CCDC117: variants seen among roughly 807,000 people sequenced by gnomAD.
CCDC117 encodes coiled-coil domain-containing protein 117.
A neutral mutation model predicts 23.5 loss-of-function variants in CCDC117; 1 was observed. The observed-to-expected ratio is 0.04, with a 90% CI of 0.02 to 0.20. CCDC117 has a LOEUF of 0.20. Ranked by LOEUF, CCDC117 falls within the 10% of genes least tolerant of loss-of-function variation. The pLI is 1.00. For synonymous variants in CCDC117, 132 were observed against 124.8 expected, an observed-to-expected ratio of 1.06 and a Z score of -0.39; for missense variants, 383 against 348.2, an observed-to-expected ratio of 1.10 and a Z score of -0.80.
At position 28,773,751 on chromosome 22, in the gene CCDC117, ACAAG is replaced by A. The variant is rs1410476427; in HGVS notation, c.214_217del (p.Lys72GlufsTer11). 1 of 1,614,100 alleles carries A rather than the reference ACAAG, an allele frequency of 6.2e-7. No individual in the cohort carries two copies. The highest frequency in any genetic ancestry group is 1.7e-5 in the Admixed American group (1 of 60,024). On this transcript the variant is annotated frameshift_variant, in exon 2 of 5. Coordinates refer to ENST00000249064, the MANE Select transcript of CCDC117 (RefSeq NM_173510.4). LOFTEE classifies it high-confidence loss of function. ...GTTTCTGTTCACTGTAAAAAGAAAC[ACAAG>A]CGAGAGGAGGAGGAGGATGATGAGT... is the stretch of plus-strand genomic sequence containing the variant.
At chr22:28,776,363 C>T (rs1366188017) in intron 2 of CCDC117, among the ~76,000 whole-genome samples, 1 of 152,076 alleles carries the variant, frequency 6.6e-6, no homozygotes, top group Non-Finnish European at 1.5e-5. Context: ...CACTGCACTC[C>T]ATCCTAGGTG....
intron 3 of CCDC117, among the ~76,000 whole-genome samples, 167 bp downstream of exon 3, chr22:28,781,339 T>G (rs796251563): frequency 2.2e-3 from 6 of 2,734 alleles, no homozygotes; most frequent in African/African-American, 0.02. Context: ...TGTTTTGTTT[T>G]TTTTTTTTTT....
At chr22:28,781,326 T>C (rs2094983324) in intron 3 of CCDC117, among the ~76,000 whole-genome samples, 154 bp downstream of exon 3, 1 of 79,216 alleles carries the variant, frequency 1.3e-5, no homozygotes, top group Non-Finnish European at 2.3e-5. Flanking sequence ...GTTTTTGTTT[T>C]TTTGTTTTGT....
rs745685698 is a variant in CCDC117, at chr22:28,781,139, T to C, written c.431T>C (p.Val144Ala). 3 of 1,613,596 alleles carry C rather than the reference T, an allele frequency of 1.9e-6. No individual in the cohort carries two copies. Among genetic ancestry groups the C allele is most frequent in the African/African-American group, 2.7e-5 (2 of 74,842 alleles). The change falls in exon 3 of 5, where the codon GTT (valine) becomes GCT (alanine). Residue 144 changes from valine (V) to alanine (A), a missense_variant. Val to Ala is a moderately conservative substitution (Grantham distance 64). Transcript: ENST00000249064. ...DQTTGEPQCEVARRKLQEIED... is the reference protein window; with the variant it reads ...DQTTGEPQCEAARRKLQEIED... Reference sequence around the variant, plus strand: ...ACAACTGGAGAACCACAGTGTGAAGTTGCCCGAAGGAAGCTTCAGGAGATT... The same window carrying C: ...ACAACTGGAGAACCACAGTGTGAAGCTGCCCGAAGGAAGCTTCAGGAGATT...
At chr22:28,782,461 C>CA (rs959491258) in intron 3 of CCDC117, among the ~76,000 whole-genome samples, 32 of 151,550 alleles carry the variant, frequency 2.1e-4, no homozygotes, top group African/African-American at 7.8e-4. Flanking sequence ...TTTTTGGAGA[C>CA]AGAGTCTCGC....
intron 2 of CCDC117, among the ~76,000 whole-genome samples, chr22:28,778,577 A>G (rs1357466683): frequency 6.6e-6 from 1 of 152,106 alleles, no homozygotes; most frequent in Non-Finnish European, 1.5e-5. Context: ...GAAAATATTT[A>G]TGTTCTTTAT....
At chr22:28,780,510 G>A (rs1455082512) in intron 2 of CCDC117, among the ~76,000 whole-genome samples, 1 of 152,078 alleles carries the variant, frequency 6.6e-6, no homozygotes, top group Non-Finnish European at 1.5e-5. Context: ...TTCATGGTTT[G>A]AATTAGCGTC....
At chr22:28,782,792 G>A (rs573439879) in intron 3 of CCDC117, among the ~76,000 whole-genome samples, 3 of 152,202 alleles carry the variant, frequency 2.0e-5, no homozygotes, top group Non-Finnish European at 4.4e-5. Context: ...GGCTGGTCTG[G>A]AGCTTCTGGC....
intron 3 of CCDC117, among the ~76,000 whole-genome samples, chr22:28,782,385 A>G (rs577667166): frequency 2.7e-5 from 4 of 150,130 alleles, no homozygotes; most frequent in Non-Finnish European, 5.9e-5. Context: ...CAGCCTCCTG[A>G]GTAGCTGGGA....
intron 2 of CCDC117, among the ~76,000 whole-genome samples, chr22:28,775,845 C>T (rs1378492931): frequency 1.3e-5 from 2 of 151,990 alleles, no homozygotes; most frequent in East Asian, 1.9e-4. Context: ...TGCAGTGAGC[C>T]GAGATCGTCC....
chr22:28,777,439 G>T (rs1226523389), intron 2 of CCDC117, among the ~76,000 whole-genome samples: 1 of 151,714 alleles, frequency 6.6e-6, no homozygotes, highest in Non-Finnish European at 1.5e-5. Context: ...AGTTAAAAAG[G>T]TTAAAGAAGT....
chr22:28,786,004 A>G, intron 4 of CCDC117, 85 bp from the exon 5 acceptor site: 1 of 849,876 alleles, frequency 1.2e-6, no homozygotes, highest in Non-Finnish European at 1.9e-6. Flanking sequence ...TCCTTAAGAT[A>G]CTAGGTAATG....
chr22:28,783,458 A>G (rs1030219373), intron 3 of CCDC117, 50 bp from the exon 4 acceptor site: 3 of 1,565,396 alleles, frequency 1.9e-6, no homozygotes, highest in South Asian at 1.2e-5. Context: ...AGAATATATA[A>G]TAGCTTGACT....
At chr22:28,776,358 C>G (rs2031160347) in intron 2 of CCDC117, among the ~76,000 whole-genome samples, 1 of 152,094 alleles carries the variant, frequency 6.6e-6, no homozygotes. Flanking sequence ...TGTGCCACTG[C>G]ACTCCATCCT....
At chr22:28,781,351 T>TTTTG (rs2031325093) in intron 3 of CCDC117, among the ~76,000 whole-genome samples, 179 bp downstream of exon 3, 2 of 11,302 alleles carry the variant, frequency 1.8e-4, no homozygotes, top group South Asian at 6.6e-3. Flanking sequence ...TTTTTTTTTT[T>TTTTG]TTTTTTTTTT....
intron 3 of CCDC117, among the ~76,000 whole-genome samples, chr22:28,781,909 C>T (rs184634624): frequency 1.3e-5 from 2 of 151,570 alleles, no homozygotes; most frequent in South Asian, 2.1e-4. Flanking sequence ...TCCCAAAGTG[C>T]TGGGATTACA....
Position 28,773,715 on chromosome 22 carries a change from G to A in CCDC117, c.186-10G>A, listed in dbSNP as rs1005579953. 7.4e-6 allele frequency: 12 copies of A among 1,611,484 alleles called. No homozygotes were observed. Among genetic ancestry groups the A allele is most frequent in the Middle Eastern group, 3.3e-4 (2 of 6,058 alleles). ...TTTCTTAATTGACTGATTTTTGTTTGTTTCAACAGTGTTTCTGTTCACTGT... is the reference window on the plus strand; with the variant it reads ...TTTCTTAATTGACTGATTTTTGTTTATTTCAACAGTGTTTCTGTTCACTGT... On this transcript the variant is annotated splice_polypyrimidine_tract_variant and intron_variant, in intron 1 of 4. Transcript: ENST00000249064.
In CCDC117 at chr22:28,772,770, C is replaced by G; in HGVS notation, c.-80C>G. ...GGGATCCGAGGCTGGCGGGTTTTGG[C>G]AGTAGCTGTGGCTGCGGCTGCCGGG... On this transcript the variant is annotated 5_prime_UTR_variant, in exon 1 of 5. Coordinates refer to ENST00000249064, the MANE Select transcript of CCDC117 (RefSeq NM_173510.4). The G allele has an allele frequency of 8.9e-7, 1 of 1,126,280 alleles. No homozygotes were observed. Among genetic ancestry groups the G allele is most frequent in the Middle Eastern group, 3.4e-4 (1 of 2,900 alleles). 69.8% of individuals were successfully genotyped at this position (1,126,280 alleles called of 1,614,324 possible).
chr22:28,781,350 T>G lies in CCDC117; in HGVS notation c.464+178T>G, dbSNP rs1487217947. ...TTTTTGTTTTGTTTTTTTTTTTTTT[T>G]TTTTTTTTTTTTTTTTTTGAGACGG... On this transcript the variant is annotated intron_variant, in intron 3 of 4. Transcript: ENST00000249064. Among the ~76,000 whole-genome samples the G allele has an allele frequency of 3.2e-4, 4 of 12,592 alleles. 1 individual carries two copies. The highest frequency in any genetic ancestry group is 2.7e-3 in the African/African-American group (4 of 1,472). The allele number at this position is 12,592 out of a possible 152,430, so 8.3% of individuals were successfully genotyped here. A position where few individuals can be genotyped will look rare whatever the true frequency, so the allele number is the denominator to read the frequency against.
Sources: gnomAD v4.1 joint callset for allele counts (sites outside exome capture counted in the v4.1 genomes callset) on GRCh38, gnomAD v4.1.1 for gene constraint, MANE v1.5 for transcripts, NCBI Gene and HGNC (gene_info 2026-07-23, HGNC 2026-07-21) for gene names.